The following EEIG1 variants were observed in gnomAD, a reference collection of about 807,000 sequenced individuals.
The protein encoded by EEIG1 is estrogen-induced osteoclastogenesis regulator 1.
the EEIG1 span, among the ~76,000 whole-genome samples, chr9:127,958,343 AAT>A: frequency 7.2e-5 from 11 of 152,194 alleles, no homozygotes; most frequent in African/African-American, 2.7e-4. Flanking sequence ...ATAAAAGAAA[AAT>A]ATAGATATAT....
the EEIG1 span, among the ~76,000 whole-genome samples, chr9:127,945,088 G>A: frequency 2.0e-5 from 3 of 152,256 alleles, no homozygotes; most frequent in East Asian, 3.9e-4. This position sits in a 1 kb window ranked among gnomAD's most constrained non-coding sequence, Gnocchi z 6.5. Flanking sequence ...TTTTATAGAC[G>A]AGGATGCCAG....
the EEIG1 span, among the ~76,000 whole-genome samples, chr9:127,949,760 C>T: frequency 1.3e-5 from 2 of 152,228 alleles, no homozygotes; most frequent in Non-Finnish European, 2.9e-5. Context: ...CCTGTTTTCC[C>T]GGCCAGGTGA....
At chr9:127,964,980 G>A in the EEIG1 span, among the ~76,000 whole-genome samples, 1 of 151,790 alleles carries the variant, frequency 6.6e-6, no homozygotes, top group African/African-American at 2.4e-5. Flanking sequence ...GTGGTGGCGG[G>A]CACCTGTAAT....
the EEIG1 span, chr9:127,945,436 C>T: frequency 1.4e-5 from 22 of 1,566,288 alleles, no homozygotes; most frequent in Middle Eastern, 2.3e-4. This position sits in a 1 kb window ranked among gnomAD's most constrained non-coding sequence, Gnocchi z 6.5. Flanking sequence ...CCGGTGCTCC[C>T]GCTCACTGCC....
chr9:127,960,320 G>A, the EEIG1 span, among the ~76,000 whole-genome samples: 1 of 152,212 alleles, frequency 6.6e-6, no homozygotes, highest in African/African-American at 2.4e-5. Flanking sequence ...GAGGAGCTGG[G>A]GGGAGATCAG....
the EEIG1 span, among the ~76,000 whole-genome samples, chr9:127,979,738 T>C: frequency 6.6e-6 from 1 of 152,352 alleles, no homozygotes; most frequent in East Asian, 1.9e-4. Context: ...GTCTGCAGAA[T>C]GGACCTACTG....
chr9:127,971,968 C>T, the EEIG1 span, among the ~76,000 whole-genome samples: 1 of 152,172 alleles, frequency 6.6e-6, no homozygotes, highest in Non-Finnish European at 1.5e-5. Context: ...CAGCCTGATG[C>T]CGGGAGTGGC....
the EEIG1 span, among the ~76,000 whole-genome samples, chr9:127,970,865 A>G: frequency 1.3e-5 from 2 of 152,144 alleles, no homozygotes; most frequent in African/African-American, 4.8e-5. Flanking sequence ...CTCATGCCCC[A>G]GAACCGAGCC....
At chr9:127,944,513 G>T in the EEIG1 span, 2 of 819,460 alleles carry the variant, frequency 2.4e-6, no homozygotes, top group South Asian at 1.5e-5. Context: ...ACACTGTGGC[G>T]ACAAGATTTG....
the EEIG1 span, chr9:127,944,913 G>T: frequency 2.8e-4 from 455 of 1,607,912 alleles, 3 homozygotes; most frequent in African/African-American, 4.8e-3. Context: ...GTCAGGTCGT[G>T]GGGGGACAAG....
At chr9:127,955,654 T>C in the EEIG1 span, among the ~76,000 whole-genome samples, 4 of 152,222 alleles carry the variant, frequency 2.6e-5, no homozygotes, top group African/African-American at 7.2e-5. Context: ...AAGCTCAGGA[T>C]AGAATGAGCC....
chr9:127,945,296 A>C, the EEIG1 span: 31 of 1,236,664 alleles, frequency 2.5e-5, no homozygotes, highest in South Asian at 4.6e-4. This position sits in a 1 kb window ranked among gnomAD's most constrained non-coding sequence, Gnocchi z 6.5. Context: ...TGTTATAGGT[A>C]AAGAAGCGGA....
chr9:127,980,939 G>T, the EEIG1 span, among the ~76,000 whole-genome samples: 1 of 149,304 alleles, frequency 6.7e-6, no homozygotes, highest in Non-Finnish European at 1.5e-5. Context: ...GCCCCCTGCG[G>T]CCCCGACGCT....
the EEIG1 span, chr9:127,950,358 G>A: frequency 2.6e-6 from 4 of 1,529,340 alleles, no homozygotes; most frequent in Non-Finnish European, 3.6e-6. Context: ...AGAGGATTCT[G>A]ATGAGCAGCC....
the EEIG1 span, among the ~76,000 whole-genome samples, chr9:127,952,408 A>AG: frequency 1.3e-5 from 2 of 152,226 alleles, no homozygotes; most frequent in Non-Finnish European, 2.9e-5. Flanking sequence ...GGAGCTGAGG[A>AG]GGGGAGGCCA....
At chr9:127,953,329 G>C in the EEIG1 span, 1 of 559,622 alleles carries the variant, frequency 1.8e-6, no homozygotes, top group Non-Finnish European at 3.2e-6. Flanking sequence ...CCTGGAGAGA[G>C]GAAAGGGGAC....
the EEIG1 span, among the ~76,000 whole-genome samples, chr9:127,969,344 G>T: frequency 6.6e-6 from 1 of 152,188 alleles, no homozygotes; most frequent in Non-Finnish European, 1.5e-5. Flanking sequence ...TGAACCACAG[G>T]AAGAGAGAAG....
the EEIG1 span, chr9:127,944,701 G>A: frequency 2.5e-6 from 4 of 1,612,872 alleles, no homozygotes; most frequent in Non-Finnish European, 3.4e-6. Flanking sequence ...GGACACAGGA[G>A]AGGATGGAGG....
At chr9:127,967,949 G>A in the EEIG1 span, among the ~76,000 whole-genome samples, 6 of 149,834 alleles carry the variant, frequency 4.0e-5, no homozygotes, top group Non-Finnish European at 8.9e-5. Context: ...TCCACCCCAG[G>A]ACCATAGATC....
Sources: gnomAD v4.1 joint callset for allele counts (sites outside exome capture counted in the v4.1 genomes callset) on GRCh38, gnomAD v4.1.1 for gene constraint, Gnocchi (gnomAD v3.1) non-coding constraint, MANE v1.5 for transcripts, NCBI Gene and HGNC (gene_info 2026-07-23, HGNC 2026-07-21) for gene names.